FER1L6: variants seen among roughly 807,000 people sequenced by gnomAD.
The protein encoded by FER1L6 is fer-1 like family member 6.
Under a neutral mutation model 219.2 loss-of-function variants are expected in FER1L6, and 177 were observed. The ratio of observed to expected loss-of-function variants is 0.81; its 90% CI spans 0.71 to 0.91. FER1L6 has a LOEUF of 0.91. Ranked by LOEUF, FER1L6 falls within the 40% of genes least tolerant of loss-of-function variation. The pLI is 0.00. For missense variants in FER1L6, 2,153 were observed against 2,259.9 expected (o/e 0.95, Z 0.96); for synonymous variants, 768 against 824.3 (o/e 0.93, Z 1.17).
chr8:123,879,293 A>G (rs929253505), intron 1 of FER1L6, among the ~76,000 whole-genome samples: 4 of 151,910 alleles, frequency 2.6e-5, no homozygotes, highest in African/African-American at 9.7e-5. Flanking sequence ...ACAAAGCAAA[A>G]CCCTTTCTCA....
intron 26 of FER1L6, 97 bp downstream of exon 26, chr8:124,064,670 A>G: frequency 9.9e-7 from 1 of 1,011,856 alleles, no homozygotes; most frequent in East Asian, 2.6e-5. Context: ...GACCATGGGC[A>G]AGCAGCTTCA....
At chr8:124,047,801 G>A (rs1819805853) in intron 21 of FER1L6, 1 of 152,214 alleles carries the variant, frequency 6.6e-6, no homozygotes, top group African/African-American at 2.4e-5. Flanking sequence ...CTTGTGCGCT[G>A]CAGCTAAACA....
intron 14 of FER1L6, among the ~76,000 whole-genome samples, chr8:124,012,992 G>A (rs1380163045): frequency 6.6e-6 from 1 of 152,122 alleles, no homozygotes; most frequent in Non-Finnish European, 1.5e-5. Context: ...GAAGAATGGG[G>A]AACCCTTTAA....
chr8:124,071,681 G>T (rs1401774205), intron 31 of FER1L6, 50 bp downstream of exon 31: 1 of 1,571,002 alleles, frequency 6.4e-7, no homozygotes, highest in Admixed American at 1.8e-5. Flanking sequence ...TGCTCAGGCT[G>T]CCATAACAAA....
At chr8:123,943,701 C>T (rs1814355518) in intron 1 of FER1L6, among the ~76,000 whole-genome samples, 1 of 152,110 alleles carries the variant, frequency 6.6e-6, no homozygotes, top group Admixed American at 6.5e-5. Flanking sequence ...TGCTCTGCTT[C>T]TCATTATCGA....
At chr8:123,900,053 G>A (rs1347922840) in intron 1 of FER1L6, among the ~76,000 whole-genome samples, 1 of 152,026 alleles carries the variant, frequency 6.6e-6, no homozygotes, top group Non-Finnish European at 1.5e-5. Flanking sequence ...TATTTTGATG[G>A]GGATTGCATT....
At chr8:123,988,829 C>G (rs940980300) in intron 12 of FER1L6, among the ~76,000 whole-genome samples, 2 of 152,156 alleles carry the variant, frequency 1.3e-5, no homozygotes, top group African/African-American at 4.8e-5. Flanking sequence ...TTTCTCTTGT[C>G]TGATTTCTCT....
chr8:123,857,824 T>G (rs1816675207), intron 1 of FER1L6, among the ~76,000 whole-genome samples: 1 of 152,210 alleles, frequency 6.6e-6, no homozygotes, highest in Admixed American at 6.5e-5. Context: ...CTGTTCCTAC[T>G]GCCGGAATTT....
chr8:124,071,655 A>C (rs1563781573), intron 31 of FER1L6, 24 bp downstream of exon 31: 1 of 1,604,250 alleles, frequency 6.2e-7, no homozygotes, highest in South Asian at 1.1e-5. Context: ...GTTTGCTCTG[A>C]GGGGGTGTAT....
At chr8:123,949,462 T>C (rs1814656534) in intron 1 of FER1L6, among the ~76,000 whole-genome samples, 1 of 152,222 alleles carries the variant, frequency 6.6e-6, no homozygotes, top group Non-Finnish European at 1.5e-5. Flanking sequence ...TGTATTGGTG[T>C]TCCTGAGGTT....
At chr8:124,010,760 TG>T (rs1165321732) in intron 14 of FER1L6, 46 bp downstream of exon 14, 1 of 1,603,346 alleles carries the variant, frequency 6.2e-7, no homozygotes. Flanking sequence ...GGGAAGCTGG[TG>T]GGGGAAGGGA....
At chr8:123,897,051 T>C (rs1457286932) in intron 1 of FER1L6, among the ~76,000 whole-genome samples, 2 of 152,188 alleles carry the variant, frequency 1.3e-5, no homozygotes, top group Admixed American at 1.3e-4. Flanking sequence ...CTTGATTCTT[T>C]TCTTTTTCAC....
chr8:124,070,724 T>C (rs1276999657), intron 30 of FER1L6, 126 bp downstream of exon 30: 1 of 841,496 alleles, frequency 1.2e-6, no homozygotes, highest in Non-Finnish European at 1.7e-6. Context: ...TTTACTCAAG[T>C]CCCTCTCTAG....
chr8:124,020,721 C>A (rs747031155), intron 16 of FER1L6, among the ~76,000 whole-genome samples: 5 of 152,124 alleles, frequency 3.3e-5, no homozygotes, highest in Non-Finnish European at 5.9e-5. Context: ...TGCGTTACTG[C>A]TTCCTCAGCT....
At chr8:124,087,835 T>C (rs1340990945) in intron 33 of FER1L6, among the ~76,000 whole-genome samples, 1 of 152,188 alleles carries the variant, frequency 6.6e-6, no homozygotes, top group Non-Finnish European at 1.5e-5. Flanking sequence ...TCCTGCAGAC[T>C]TGTAGAGATA....
rs556642552 is a variant in FER1L6, at chr8:124,097,393, A to T, written c.4784+34A>T. ...GCTGTAGCCCCAGCTTCAGGGGAAG[A>T]GACCAGGGTAGCAGATGAAAGAATC... On this transcript the variant is annotated intron_variant, in intron 36 of 40. Coordinates refer to ENST00000522917, the MANE Select transcript of FER1L6 (RefSeq NM_001039112.2). The T allele has an allele frequency of 1.8e-5, 25 of 1,409,366 alleles. No homozygotes were observed. The African/African-American group carries it at 3.0e-4, about 17-fold the overall frequency. The allele number at this position is 1,409,366 out of a possible 1,614,324, so 87.3% of individuals were successfully genotyped here. A position where few individuals can be genotyped will look rare whatever the true frequency, so the allele number is the denominator to read the frequency against.
chr8:123,992,235 C>T (rs1347502877), intron 12 of FER1L6, among the ~76,000 whole-genome samples: 1 of 151,934 alleles, frequency 6.6e-6, no homozygotes, highest in Non-Finnish European at 1.5e-5. Flanking sequence ...GAAATAATTC[C>T]CTCTTTCTCA....
chr8:124,081,919 A>T (rs1821570777), intron 32 of FER1L6, among the ~76,000 whole-genome samples: 1 of 152,338 alleles, frequency 6.6e-6, no homozygotes. Context: ...GCTAAGAGGA[A>T]TTAAATAACT....
intron 1 of FER1L6, among the ~76,000 whole-genome samples, chr8:123,883,199 G>A (rs1037157630): frequency 1.3e-5 from 2 of 152,212 alleles, no homozygotes; most frequent in African/African-American, 4.8e-5. Context: ...GGATGGGCAA[G>A]TGCAGGAGCA....
Sources: gnomAD v4.1 joint callset for allele counts (sites outside exome capture counted in the v4.1 genomes callset) on GRCh38, gnomAD v4.1.1 for gene constraint, MANE v1.5 for transcripts, NCBI Gene and HGNC (gene_info 2026-07-23, HGNC 2026-07-21) for gene names.